TRAPPC8: variants seen among roughly 807,000 people sequenced by gnomAD.
TRAPPC8 encodes trafficking protein particle complex subunit 8, also known as general sporulation gene 1 homolog.
Under a neutral mutation model 174.3 loss-of-function variants are expected in TRAPPC8, and 54 were observed. The observed-to-expected ratio is 0.31, with a 90% CI of 0.25 to 0.39. The LOEUF is 0.39. Among genes scored for constraint, TRAPPC8 ranks in the 10% least tolerant of loss-of-function variants. The probability of loss-of-function intolerance (pLI) is 1.00; values close to 1 mark genes in which losing one functional copy is unlikely to be tolerated. For synonymous variants in TRAPPC8, 630 were observed against 579.9 expected (o/e 1.09, Z -1.24); for missense variants, 1,531 against 1,699.1 (o/e 0.90, Z 1.74).
chr18:31,936,288 A>C (rs895197373), intron 1 of TRAPPC8, among the ~76,000 whole-genome samples: 17 of 151,382 alleles, frequency 1.1e-4, no homozygotes, highest in Non-Finnish European at 1.8e-4. Context: ...GCAAAACCCC[A>C]TCTCTACAAA....
intron 4 of TRAPPC8, among the ~76,000 whole-genome samples, chr18:31,915,997 C>T (rs1442905092): frequency 6.8e-6 from 1 of 146,930 alleles, no homozygotes; most frequent in African/African-American, 2.5e-5. Flanking sequence ...GCGGAGGTTG[C>T]AGTGAGCCAA....
At chr18:31,928,071 G>A (rs112399820) in intron 2 of TRAPPC8, among the ~76,000 whole-genome samples, 9,037 of 140,606 alleles carry the variant, frequency 0.064, 293 homozygotes, top group Middle Eastern at 0.11. Flanking sequence ...CAGAAGAATC[G>A]TGTGAACCCA....
chr18:31,901,436 A>G (rs2036421087), intron 9 of TRAPPC8, among the ~76,000 whole-genome samples: 1 of 152,180 alleles, frequency 6.6e-6, no homozygotes, highest in African/African-American at 2.4e-5. Context: ...AGTAACAGGC[A>G]TTTCTTTATT....
chr18:31,925,928 T>C (rs1321501761), intron 2 of TRAPPC8, among the ~76,000 whole-genome samples: 1 of 152,164 alleles, frequency 6.6e-6, no homozygotes, highest in African/African-American at 2.4e-5. Context: ...AATTTTATTT[T>C]CCATGCACCC....
Position 31,889,791 on chromosome 18 carries a change from A to G in TRAPPC8, c.1728+944T>C, listed in dbSNP as rs2035877841. Among the ~76,000 whole-genome samples, 3 of 152,204 alleles carry G rather than the reference A, an allele frequency of 2.0e-5. 1 individual carries two copies. The highest frequency in any genetic ancestry group is 2.0e-4 in the Admixed American group (3 of 15,274). On this transcript the variant is annotated intron_variant, in intron 12 of 28. Transcript: ENST00000283351. ...CAGGTTCCAAAAATAAGAGGAAGGA[A>G]CCCAATTTTGAAATGTTGGTTTTAA...
At chr18:31,870,319 C>G in intron 16 of TRAPPC8, 53 bp downstream of exon 16, 4 of 1,517,978 alleles carry the variant, frequency 2.6e-6, no homozygotes, top group Non-Finnish European at 2.7e-6. Context: ...GTTACTACAG[C>G]ATTTGTTAGG....
Position 31,916,418 on chromosome 18 carries a change from A to G in TRAPPC8, c.471T>C (p.Ala157=), listed in dbSNP as rs140582839. The G allele has an allele frequency of 3.1e-6, 5 of 1,612,304 alleles. No homozygotes were observed. Among genetic ancestry groups the G allele is most frequent in the African/African-American group, 1.3e-5 (1 of 74,852 alleles). Residue 157 remains alanine (A), a synonymous_variant, in exon 4 of 29, where the codon GCT becomes GCC. Transcript: ENST00000283351. The stretch of plus-strand genomic sequence containing the variant: ...ACTTTGAAAACTGTTCCACAGGTTC[A>G]GCTTCACTAGATGACGCTACCAACA... ...ACMLVASSSE[A]EPVEQFSKLS...
At chr18:31,834,431 T>C (rs2032588059) in intron 27 of TRAPPC8, among the ~76,000 whole-genome samples, 1 of 152,148 alleles carries the variant, frequency 6.6e-6, no homozygotes, top group Non-Finnish European at 1.5e-5. Context: ...TTTTGAAAAC[T>C]GCTTTACACA....
Position 31,870,328 on chromosome 18 carries a change from G to A in TRAPPC8, c.2388+44C>T, listed in dbSNP as rs995785458. On this transcript the variant is annotated intron_variant, in intron 16 of 28. Coordinates refer to ENST00000283351, the MANE Select transcript of TRAPPC8 (RefSeq NM_014939.5). Reference sequence around the variant, plus strand: ...TGAAATGTTACTACAGCATTTGTTAGGCTGTAGCTGAAACATAATTACAAA... The same window carrying A: ...TGAAATGTTACTACAGCATTTGTTAAGCTGTAGCTGAAACATAATTACAAA... 8 of 1,541,212 alleles carry A rather than the reference G, an allele frequency of 5.2e-6. 1 individual carries two copies. The highest frequency in any genetic ancestry group is 1.8e-6 in the Non-Finnish European group (2 of 1,131,254).
chr18:31,920,749 C>T (rs940440539), intron 2 of TRAPPC8, among the ~76,000 whole-genome samples: 2 of 151,698 alleles, frequency 1.3e-5, no homozygotes, highest in Admixed American at 1.3e-4. Flanking sequence ...AAATCAGCCT[C>T]GACCAACATG....
intron 2 of TRAPPC8, among the ~76,000 whole-genome samples, chr18:31,926,967 C>G (rs2037642557): frequency 1.3e-5 from 2 of 152,050 alleles, no homozygotes; most frequent in African/African-American, 4.8e-5. Context: ...CCATAGACAG[C>G]CATATAAAAA....
intron 1 of TRAPPC8, among the ~76,000 whole-genome samples, chr18:31,935,793 T>C (rs765848835): frequency 7.3e-5 from 11 of 150,850 alleles, no homozygotes; most frequent in East Asian, 2.0e-4. Flanking sequence ...TGGAGTGCAA[T>C]TGCATGATTT....
intron 12 of TRAPPC8, among the ~76,000 whole-genome samples, chr18:31,876,836 G>A (rs902536490): frequency 3.3e-5 from 5 of 152,134 alleles, no homozygotes; most frequent in African/African-American, 4.8e-5. Flanking sequence ...GTTTGAGAAC[G>A]TCCCAGGGAC....
At chr18:31,915,764 G>A (rs1428289693) in intron 4 of TRAPPC8, among the ~76,000 whole-genome samples, 1 of 151,800 alleles carries the variant, frequency 6.6e-6, no homozygotes, top group Admixed American at 6.6e-5. Context: ...GCGGGCGCCT[G>A]TAGTCCCAGC....
chr18:31,880,122 T>TATATATATATATA (rs1491572903), intron 12 of TRAPPC8, among the ~76,000 whole-genome samples: 25 of 65,902 alleles, frequency 3.8e-4, no homozygotes, highest in Non-Finnish European at 6.2e-4. Flanking sequence ...TATATATATA[T>TATATATATATATA]TTTTTTTTTT....
chr18:31,936,389 A>C (rs2038099322), intron 1 of TRAPPC8, among the ~76,000 whole-genome samples: 1 of 152,092 alleles, frequency 6.6e-6, no homozygotes, highest in African/African-American at 2.4e-5. Context: ...GCTTGAGCCC[A>C]GGAGGTCGAG....
chr18:31,829,975 A>G lies in TRAPPC8; in HGVS notation c.*780T>C, dbSNP rs1280896859. Reference sequence around the variant, plus strand: ...AGCATGTCTTTATTCTATTTACAGTATATTTGTTATAAATATAATACATTT... The same window carrying G: ...AGCATGTCTTTATTCTATTTACAGTGTATTTGTTATAAATATAATACATTT... On this transcript the variant is annotated 3_prime_UTR_variant, in exon 29 of 29. Transcript: ENST00000283351. 5 of 152,664 alleles carry G rather than the reference A, an allele frequency of 3.3e-5. No homozygotes were observed. Among genetic ancestry groups the G allele is most frequent in the African/African-American group, 1.2e-4 (5 of 41,462 alleles). 9.5% of individuals were successfully genotyped at this position (152,664 alleles called of 1,614,324 possible).
chr18:31,915,469 A>AG (rs34274812), intron 4 of TRAPPC8, among the ~76,000 whole-genome samples: 3,389 of 98,788 alleles, frequency 0.034, 151 homozygotes, highest in African/African-American at 0.079. Flanking sequence ...TCAAAAAAAA[A>AG]GGGGGGGGGG....
chr18:31,881,781 TA>T (rs2035467566), intron 12 of TRAPPC8, among the ~76,000 whole-genome samples: 1 of 151,014 alleles, frequency 6.6e-6, no homozygotes, highest in Non-Finnish European at 1.5e-5. Context: ...AAAAGTAACT[TA>T]AATCAAGAAA....
Sources: gnomAD v4.1 joint callset for allele counts (sites outside exome capture counted in the v4.1 genomes callset) on GRCh38, gnomAD v4.1.1 for gene constraint, MANE v1.5 for transcripts, NCBI Gene and HGNC (gene_info 2026-07-23, HGNC 2026-07-21) for gene names.